ENTPD6: variants seen among roughly 807,000 people sequenced by gnomAD.
ENTPD6 encodes the protein CD39 antigen-like 2.
Under a neutral mutation model 61.5 loss-of-function variants are expected in ENTPD6, and 46 were observed. The observed-to-expected ratio is 0.75, with a 90% confidence interval of 0.59 to 0.96. ENTPD6 has a LOEUF of 0.96. Among genes scored for constraint, ENTPD6 ranks in the 40% least tolerant of loss-of-function variants. ENTPD6 has a pLI of 0.00. For missense variants in ENTPD6, 612 were observed against 629.0 expected, an observed-to-expected ratio of 0.97 and a Z score of 0.29; for synonymous variants, 252 against 255.5, an observed-to-expected ratio of 0.99 and a Z score of 0.13.
chr20:25,214,066 C>T (rs1484380037), intron 5 of ENTPD6, among the ~76,000 whole-genome samples: 1 of 152,226 alleles, frequency 6.6e-6, no homozygotes, highest in African/African-American at 2.4e-5. Context: ...GGCAGCTGCT[C>T]ATCCTGCTCC....
At chr20:25,207,682 T>C (rs970431614) in intron 3 of ENTPD6, among the ~76,000 whole-genome samples, 1 of 152,114 alleles carries the variant, frequency 6.6e-6, no homozygotes, top group Admixed American at 6.5e-5. Context: ...AGGACCATGA[T>C]TTAGGCCAGT....
chr20:25,227,130 G>GC lies in ENTPD6; in HGVS notation c.*1541dup, dbSNP rs910260106. 7.9e-5 allele frequency among the ~76,000 whole-genome samples: 12 copies of GC among 152,126 alleles called. No individual in the cohort carries two copies. The highest frequency in any genetic ancestry group is 1.3e-4 in the Non-Finnish European group (9 of 67,996). ...CACATCCCGAGTGCTTGTGCCTGAA[G>GC]CCCCCCCCAACCAACTGTCACAGGA... On this transcript the variant is annotated 3_prime_UTR_variant, in exon 15 of 15. Transcript: ENST00000376652.
intron 1 of ENTPD6, among the ~76,000 whole-genome samples, chr20:25,203,409 G>A (rs111563962): frequency 6.6e-6 from 1 of 152,206 alleles, no homozygotes; most frequent in African/African-American, 2.4e-5. Flanking sequence ...AATGTGCATG[G>A]TGCACGTGAG....
In ENTPD6 at chr20:25,221,298, C is replaced by T; in HGVS notation, c.1010C>T (p.Ala337Val). 6.2e-7 allele frequency: 1 copy of T among 1,614,160 alleles called. No individual in the cohort carries two copies. The highest frequency in any genetic ancestry group is 2.2e-5 in the East Asian group (1 of 44,882). ...SPSFKGEWEH[A>V]EVTYRVSGQK... ...AGTTTCAAAGGAGAGTGGGAACACGCAGAAGTCACGTACAGGGTTTCAGGG... is the reference window on the plus strand; with the variant it reads ...AGTTTCAAAGGAGAGTGGGAACACGTAGAAGTCACGTACAGGGTTTCAGGG... The change falls in exon 11 of 15, where the codon GCA (alanine) becomes GTA (valine). Residue 337 changes from alanine (A) to valine (V), a missense_variant. By Grantham distance (64) the Ala-to-Val change is moderately conservative (BLOSUM62 0). Coordinates refer to ENST00000376652, the MANE Select transcript of ENTPD6 (RefSeq NM_001247.5).
chr20:25,202,947 G>A (rs951860910), intron 1 of ENTPD6, among the ~76,000 whole-genome samples: 1 of 152,198 alleles, frequency 6.6e-6, no homozygotes, highest in Admixed American at 6.5e-5. Flanking sequence ...TAGTAGTCTG[G>A]TAGGGCAGAT....
Position 25,225,542 on chromosome 20 carries a change from G to C in ENTPD6, c.1400G>C (p.Gly467Ala). 1 of 1,614,076 alleles carries C rather than the reference G, an allele frequency of 6.2e-7. No individual in the cohort carries two copies. Among genetic ancestry groups the C allele is most frequent in the Non-Finnish European group, 8.5e-7 (1 of 1,179,978 alleles). ...IDNVETSWALGAIFHYIDSLN... is the reference protein window; with the variant it reads ...IDNVETSWALAAIFHYIDSLN... ...AATGTTGAGACCAGCTGGGCTCTGG[G>C]GGCCATTTTTCATTACATCGACTCC... The change falls in exon 15 of 15, where the codon GGG becomes GCG. Residue 467 changes from glycine (G) to alanine (A), a missense_variant. Gly to Ala is a moderately conservative substitution (Grantham distance 60). Coordinates refer to ENST00000376652, the MANE Select transcript of ENTPD6 (RefSeq NM_001247.5).
intron 11 of ENTPD6, 38 bp from the exon 12 acceptor site, chr20:25,222,800 C>T (rs376503147): frequency 4.1e-5 from 66 of 1,607,012 alleles, no homozygotes; most frequent in African/African-American, 3.3e-4. Context: ...CCTGGGTGCT[C>T]GGAGCCCACT....
rs146000834 is a variant in ENTPD6 at position 25,213,445 on chromosome 20, CAG to C, written c.597+40_597+41del. ...TTCCCCAGTGCCATTAGCCAGCCCT[CAG>C]GGGCAACTGATGACTGAAAACAACT... On this transcript the variant is annotated intron_variant, in intron 5 of 14. Coordinates refer to ENST00000376652, the MANE Select transcript of ENTPD6 (RefSeq NM_001247.5). 5.2e-3 allele frequency: 8,081 copies of C among 1,559,972 alleles called. 199 individuals are homozygous for C. The East Asian group carries it at 0.071, about 14-fold the overall frequency.
chr20:25,224,334 A>G (rs2092733155), intron 13 of ENTPD6, 177 bp downstream of exon 13: 1 of 501,886 alleles, frequency 2.0e-6, no homozygotes, highest in Admixed American at 3.8e-5. Flanking sequence ...TGGGGTCGTG[A>G]GGAACTGGGT....
At chr20:25,205,067 A>G (rs2091350329) in intron 1 of ENTPD6, among the ~76,000 whole-genome samples, 1 of 152,040 alleles carries the variant, frequency 6.6e-6, no homozygotes, top group Admixed American at 6.5e-5. Flanking sequence ...TGGTGACGTT[A>G]TAGAAGGTGC....
intron 7 of ENTPD6, among the ~76,000 whole-genome samples, chr20:25,216,091 G>A (rs1482901906): frequency 6.6e-6 from 1 of 152,206 alleles, no homozygotes. Flanking sequence ...GGATTCCTCT[G>A]CTGTAGGTGG....
rs1053245982 is a variant in ENTPD6, at chr20:25,196,049, C to G, written c.-16+182C>G. 73 of 886,268 alleles carry G rather than the reference C, an allele frequency of 8.2e-5. No individual in the cohort carries two copies. In the East Asian group the frequency reaches 2.1e-3, roughly 25 times the overall value. The allele number at this position is 886,268 out of a possible 1,614,324, so 54.9% of individuals were successfully genotyped here. A position where few individuals can be genotyped will look rare whatever the true frequency, so the allele number is the denominator to read the frequency against. ...GGGCTCCCTGGATGTCTGGGCTCCG[C>G]TGACCGGTGGGGGGCAAGTCCAGTG... is the stretch of plus-strand genomic sequence containing the variant. On this transcript the variant is annotated intron_variant, in intron 1 of 14. Transcript: ENST00000376652.
chr20:25,205,879 G>T lies in ENTPD6; in HGVS notation c.-15-643G>T, dbSNP rs1017214101. Among the ~76,000 whole-genome samples the T allele has an allele frequency of 4.6e-5, 7 of 152,278 alleles. No homozygotes were observed. In the South Asian group the frequency reaches 1.2e-3, roughly 27 times the overall value. Reference sequence around the variant, plus strand: ...TGGCCTGCTCCCCGTGCTTTGCCCCGCGGGCCCTGTCCTTCCGTTCTGCTG... The same window carrying T: ...TGGCCTGCTCCCCGTGCTTTGCCCCTCGGGCCCTGTCCTTCCGTTCTGCTG... On this transcript the variant is annotated intron_variant, in intron 1 of 14. Transcript: ENST00000376652.
At chr20:25,217,604 G>T (rs750947079) in intron 9 of ENTPD6, 23 bp downstream of exon 9, 2 of 1,609,602 alleles carry the variant, frequency 1.2e-6, no homozygotes, top group South Asian at 1.1e-5. Context: ...GAACAGGCGT[G>T]GGGAGGCGCC....
chr20:25,223,027 C>CCGGGGGGG, intron 12 of ENTPD6, 49 bp downstream of exon 12: 8 of 490,316 alleles, frequency 1.6e-5, no homozygotes, highest in Non-Finnish European at 2.6e-5. Context: ...CGGCAGGGGG[C>CCGGGGGGG]GGGGGTGGAG....
chr20:25,214,937 A>T lies in ENTPD6; in HGVS notation c.668A>T (p.Asp223Val), dbSNP rs1247735058. ...TGTGTTTCCATCATGAACGGAACAGATGAAGGTAAATGGCTGGAAGCACCT... is the reference window on the plus strand; with the variant it reads ...TGTGTTTCCATCATGAACGGAACAGTTGAAGGTAAATGGCTGGAAGCACCT... Reference protein sequence around the residue: ...DDCVSIMNGTDEGVSAWITIN... With the variant: ...DDCVSIMNGTVEGVSAWITIN... The change falls in exon 6 of 15, where the codon GAT (aspartate) becomes GTT (valine). Residue 223 changes from aspartate (D) to valine (V), a missense_variant. Coordinates refer to ENST00000376652, the MANE Select transcript of ENTPD6 (RefSeq NM_001247.5). 3 of 1,606,626 alleles carry T rather than the reference A, an allele frequency of 1.9e-6. No homozygotes were observed. The African/African-American group carries it at 4.0e-5, about 21-fold the overall frequency.
rs759914286 is a variant in ENTPD6, at chr20:25,206,562, C to A, written c.26C>A (p.Thr9Asn). The change falls in exon 2 of 15, where the codon ACT becomes AAT. Residue 9 changes from threonine (T) to asparagine (N), a missense_variant. Coordinates refer to ENST00000376652, the MANE Select transcript of ENTPD6 (RefSeq NM_001247.5). ...ATGAAAAAAGGTATCCGTTATGAAA[C>A]TTCCAGAAAAACGAGCTACATTTTT... MKKGIRYE[T>N]SRKTSYIFQQ... 9.9e-6 allele frequency: 16 copies of A among 1,613,704 alleles called. No individual in the cohort carries two copies. Among genetic ancestry groups the A allele is most frequent in the Admixed American group, 1.7e-5 (1 of 60,008 alleles).
chr20:25,206,710 TC>T, intron 2 of ENTPD6, 120 bp downstream of exon 2: 1 of 796,176 alleles, frequency 1.3e-6, no homozygotes. Context: ...GCGCTTCTGT[TC>T]CCATGAACAG....
At chr20:25,224,689 C>T (rs2092745834) in intron 13 of ENTPD6, 1 of 158,246 alleles carries the variant, frequency 6.3e-6, no homozygotes, top group African/African-American at 2.4e-5. Flanking sequence ...ACTACCCTTC[C>T]CCTCCCCCAA....
Sources: gnomAD v4.1 joint callset for allele counts (sites outside exome capture counted in the v4.1 genomes callset) on GRCh38, gnomAD v4.1.1 for gene constraint, MANE v1.5 for transcripts, NCBI Gene and HGNC (gene_info 2026-07-23, HGNC 2026-07-21) for gene names.